The following CDH13 variants were observed in gnomAD, a reference collection of about 807,000 sequenced individuals.
The protein encoded by CDH13 is cadherin-13.
A neutral mutation model predicts 63.8 loss-of-function variants in CDH13; 24 were observed. The ratio of observed to expected loss-of-function variants is 0.38; its 90% CI spans 0.27 to 0.53. The LOEUF (loss-of-function observed/expected upper bound fraction) is 0.53, where lower values mean the gene tolerates loss of function less well. Among genes scored for constraint, CDH13 ranks in the 20% least tolerant of loss-of-function variants. The pLI is 0.85. For missense variants in CDH13, 1,049 were observed against 903.1 expected (o/e 1.16, Z -2.07); for synonymous variants, 503 against 355.3 (o/e 1.42, Z -4.67).
At chr16:83,162,949 C>G (rs4450388) in intron 4 of CDH13, among the ~76,000 whole-genome samples, 3 of 151,964 alleles carry the variant, frequency 2.0e-5, no homozygotes, top group African/African-American at 7.2e-5. Context: ...TGTGTCCCCA[C>G]GTAAATCTCA....
intron 2 of CDH13, among the ~76,000 whole-genome samples, chr16:82,922,246 G>C (rs776580311): frequency 5.3e-5 from 8 of 152,048 alleles, no homozygotes; most frequent in Admixed American, 1.3e-4. Context: ...TGATGCATTT[G>C]TACCTTTTTT....
chr16:83,219,761 T>C (rs572307474), intron 5 of CDH13, among the ~76,000 whole-genome samples: 2 of 152,354 alleles, frequency 1.3e-5, no homozygotes, highest in South Asian at 4.1e-4. Flanking sequence ...TTTACATACA[T>C]TTAATTGAGT....
At chr16:82,745,654 G>A (rs546727051) in intron 1 of CDH13, among the ~76,000 whole-genome samples, 45 of 152,178 alleles carry the variant, frequency 3.0e-4, no homozygotes, top group African/African-American at 1.1e-3. Context: ...ATACATCATC[G>A]TAGGTCATCG....
At chr16:82,701,394 C>G (rs1407063414) in intron 1 of CDH13, among the ~76,000 whole-genome samples, 7 of 152,108 alleles carry the variant, frequency 4.6e-5, no homozygotes, top group Non-Finnish European at 7.3e-5. Flanking sequence ...TCTGTGTGCT[C>G]CTTCTTCTCT....
intron 7 of CDH13, among the ~76,000 whole-genome samples, chr16:83,527,906 G>T (rs538792812): frequency 4.7e-4 from 71 of 152,264 alleles, no homozygotes; most frequent in African/African-American, 1.6e-3. Context: ...TATTACTTAA[G>T]TACCAACAAA....
chr16:83,661,177 A>G (rs751817892), intron 8 of CDH13, among the ~76,000 whole-genome samples: 3 of 152,102 alleles, frequency 2.0e-5, no homozygotes, highest in Non-Finnish European at 4.4e-5. Flanking sequence ...ATGCCTTGGT[A>G]GGACTCCTGT....
chr16:83,346,997 C>A (rs1256878490), intron 6 of CDH13, among the ~76,000 whole-genome samples: 1 of 152,114 alleles, frequency 6.6e-6, no homozygotes, highest in Non-Finnish European at 1.5e-5. Flanking sequence ...CTGGGTTGGA[C>A]TATAAAGCAC....
At chr16:83,785,160 C>G (rs1431893276) in intron 13 of CDH13, among the ~76,000 whole-genome samples, 1 of 152,188 alleles carries the variant, frequency 6.6e-6, no homozygotes, top group Non-Finnish European at 1.5e-5. Flanking sequence ...TGTATACTGT[C>G]TTAGTCCATT....
intron 1 of CDH13, among the ~76,000 whole-genome samples, chr16:82,779,982 T>G (rs2035675904): frequency 6.6e-6 from 1 of 152,176 alleles, no homozygotes; most frequent in Admixed American, 6.5e-5. Context: ...CTTTAGGGGA[T>G]GCAGTCTCTG....
intron 8 of CDH13, among the ~76,000 whole-genome samples, chr16:83,652,192 A>C (rs989289971): frequency 6.6e-6 from 1 of 152,250 alleles, no homozygotes; most frequent in African/African-American, 2.4e-5. Flanking sequence ...AACACAGAGA[A>C]TGGATTTAGA....
chr16:83,254,901 A>C (rs1474882609), intron 5 of CDH13, among the ~76,000 whole-genome samples: 1 of 152,184 alleles, frequency 6.6e-6, no homozygotes, highest in African/African-American at 2.4e-5. Context: ...GCTAAAACTC[A>C]TCTGTCTAAA....
intron 2 of CDH13, among the ~76,000 whole-genome samples, chr16:82,999,325 T>A (rs1819272089): frequency 6.6e-6 from 1 of 152,172 alleles, no homozygotes; most frequent in African/African-American, 2.4e-5. Context: ...GGAGGTGATT[T>A]GAAGAAATTT....
At chr16:82,706,834 G>A (rs1327480728) in intron 1 of CDH13, among the ~76,000 whole-genome samples, 1 of 151,970 alleles carries the variant, frequency 6.6e-6, no homozygotes, top group African/African-American at 2.4e-5. Context: ...AAGAAGTATA[G>A]AGGTCATTTT....
chr16:83,667,109 A>G (rs563666253), intron 8 of CDH13, among the ~76,000 whole-genome samples: 3 of 151,016 alleles, frequency 2.0e-5, no homozygotes, highest in Admixed American at 1.3e-4. Context: ...GGATGGATGG[A>G]TGGATGGATG....
At chr16:82,672,689 C>T (rs1020542528) in intron 1 of CDH13, among the ~76,000 whole-genome samples, 3 of 151,910 alleles carry the variant, frequency 2.0e-5, no homozygotes, top group African/African-American at 7.3e-5. Context: ...CACTGATTCA[C>T]TGTTCTCCAT....
chr16:83,585,681 C>A (rs753001790), intron 7 of CDH13, among the ~76,000 whole-genome samples: 1 of 151,642 alleles, frequency 6.6e-6, no homozygotes, highest in Admixed American at 6.6e-5. Context: ...GAAGGCTGAC[C>A]ATTAGAGACT....
chr16:83,095,698 A>T (rs2034159052), intron 3 of CDH13, among the ~76,000 whole-genome samples: 1 of 152,200 alleles, frequency 6.6e-6, no homozygotes, highest in Non-Finnish European at 1.5e-5. Context: ...TAGTTAACTG[A>T]ATCAGAACCA....
chr16:83,469,685 C>G (rs987597850), intron 6 of CDH13, among the ~76,000 whole-genome samples: 2 of 152,182 alleles, frequency 1.3e-5, no homozygotes, highest in Non-Finnish European at 2.9e-5. Context: ...CCTTTTCAGT[C>G]TGGCATCCAC....
intron 6 of CDH13, among the ~76,000 whole-genome samples, chr16:83,465,795 A>C (rs576792394): frequency 6.6e-6 from 1 of 152,318 alleles, no homozygotes; most frequent in East Asian, 1.9e-4. Context: ...TCTGGCAGTC[A>C]GCACAATTCA....
Sources: gnomAD v4.1 joint callset for allele counts (sites outside exome capture counted in the v4.1 genomes callset) on GRCh38, gnomAD v4.1.1 for gene constraint, MANE v1.5 for transcripts, NCBI Gene and HGNC (gene_info 2026-07-23, HGNC 2026-07-21) for gene names.